Variants in COLGALT2 observed in about 807,000 individuals in gnomAD.
COLGALT2 encodes the protein procollagen galactosyltransferase 2.
A neutral mutation model predicts 73.4 loss-of-function variants in COLGALT2; 49 were observed. That is an observed-to-expected ratio of 0.67 (90% CI 0.53 to 0.85). The LOEUF (loss-of-function observed/expected upper bound fraction) is 0.85, where lower values mean the gene tolerates loss of function less well. Among genes scored for constraint, COLGALT2 ranks in the 40% least tolerant of loss-of-function variants. COLGALT2 has a pLI of 0.00. For missense variants in COLGALT2, 722 were observed against 790.2 expected (o/e 0.91, Z 1.03); for synonymous variants, 295 against 307.6 (o/e 0.96, Z 0.43).
rs960603510 is a variant in COLGALT2 at position 183,938,346 on chromosome 1, A to G, written c.*415T>C. ...ATGTCATATAAAACGGACAAACTAG[A>G]CCAATAAGTGTGGTCTAGTTGGCCT... On this transcript the variant is annotated 3_prime_UTR_variant, in exon 12 of 12. Transcript: ENST00000361927. 15 of 1,011,346 alleles carry G rather than the reference A, an allele frequency of 1.5e-5. No homozygotes were observed. Among genetic ancestry groups the G allele is most frequent in the African/African-American group, 1.7e-5 (1 of 58,308 alleles). 62.6% of individuals were successfully genotyped at this position (1,011,346 alleles called of 1,614,324 possible). A position where few individuals can be genotyped will look rare whatever the true frequency, so the allele number is the denominator to read the frequency against.
intron 1 of COLGALT2, among the ~76,000 whole-genome samples, chr1:183,993,208 T>G (rs1019478408): frequency 1.3e-5 from 2 of 152,220 alleles, no homozygotes; most frequent in South Asian, 4.1e-4. Flanking sequence ...AAAGTTTGAC[T>G]TTCATGTGGG....
At chr1:184,034,778 G>T (rs1649621651) in intron 1 of COLGALT2, among the ~76,000 whole-genome samples, 1 of 152,166 alleles carries the variant, frequency 6.6e-6, no homozygotes, top group Admixed American at 6.5e-5. Flanking sequence ...ATAAATAAAT[G>T]TAATTTTGAG....
intron 1 of COLGALT2, among the ~76,000 whole-genome samples, chr1:184,018,203 G>A (rs1041117029): frequency 2.6e-5 from 4 of 152,002 alleles, no homozygotes; most frequent in Non-Finnish European, 4.4e-5. Context: ...CCAAAAGCTC[G>A]AGGCTGCAGT....
At chr1:183,948,668 A>G (rs1255655519) in intron 8 of COLGALT2, among the ~76,000 whole-genome samples, 1 of 152,358 alleles carries the variant, frequency 6.6e-6, no homozygotes, top group Non-Finnish European at 1.5e-5. Flanking sequence ...GAACAAATCA[A>G]GAAACTGCAC....
chr1:184,012,986 C>A (rs1302156646), intron 1 of COLGALT2, among the ~76,000 whole-genome samples: 1 of 152,080 alleles, frequency 6.6e-6, no homozygotes. Flanking sequence ...GGGGGCAGAT[C>A]CAAAAAAGTA....
In COLGALT2 at chr1:183,938,981, G is replaced by A; in HGVS notation, c.1661C>T (p.Pro554Leu). 6 of 1,614,070 alleles carry A rather than the reference G, an allele frequency of 3.7e-6. No homozygotes were observed. The highest frequency in any genetic ancestry group is 5.1e-6 in the Non-Finnish European group (6 of 1,180,034). The change falls in exon 12 of 12, where the codon CCC (proline) becomes CTC (leucine). Residue 554 changes from proline (P) to leucine (L), a missense_variant. Transcript: ENST00000361927. ...SRDLKAFSAE[P>L]LLIYPTHYTG... ...GTAGTGCGTAGGGTAGATGAGCAAGGGTTCTGCAGAGAAGGCTTTCAGGTC... is the reference window on the plus strand; with the variant it reads ...GTAGTGCGTAGGGTAGATGAGCAAGAGTTCTGCAGAGAAGGCTTTCAGGTC...
At chr1:183,981,339 T>C (rs975108290) in intron 1 of COLGALT2, among the ~76,000 whole-genome samples, 7 of 152,176 alleles carry the variant, frequency 4.6e-5, no homozygotes, top group African/African-American at 1.4e-4. Context: ...TGTAGGATGA[T>C]TTAAAATAAA....
chr1:183,984,793 C>G (rs908995579), intron 1 of COLGALT2, among the ~76,000 whole-genome samples: 2 of 152,186 alleles, frequency 1.3e-5, no homozygotes, highest in African/African-American at 4.8e-5. Context: ...TGCAAGTTAG[C>G]AAAAGCCCAT....
At chr1:184,008,214 G>A (rs898045922) in intron 1 of COLGALT2, among the ~76,000 whole-genome samples, 12 of 152,136 alleles carry the variant, frequency 7.9e-5, no homozygotes, top group African/African-American at 2.9e-4. Context: ...CATTGGAGAA[G>A]CAGTGGAATA....
chr1:183,975,272 C>T (rs1671159369), intron 2 of COLGALT2, 58 bp from the exon 3 acceptor site: 2 of 1,051,890 alleles, frequency 1.9e-6, no homozygotes, highest in East Asian at 2.4e-5. Flanking sequence ...AGGCTCTGTC[C>T]TAAATGTTTA....
At position 183,940,794 on chromosome 1, in the gene COLGALT2, G is replaced by C. The variant is rs779574511; in HGVS notation, c.1398-7C>G. The stretch of plus-strand genomic sequence containing the variant: ...CCTCTTCCTACCAATATAACTGTAA[G>C]GAAATGGCAGAGGAGAAAAATTCCA... On this transcript the variant is annotated splice_polypyrimidine_tract_variant and splice_region_variant and intron_variant, in intron 10 of 11. Coordinates refer to ENST00000361927, the MANE Select transcript of COLGALT2 (RefSeq NM_015101.4). 9 of 1,613,002 alleles carry C rather than the reference G, an allele frequency of 5.6e-6. No individual in the cohort carries two copies. The highest frequency in any genetic ancestry group is 7.6e-6 in the Non-Finnish European group (9 of 1,178,990).
intron 5 of COLGALT2, among the ~76,000 whole-genome samples, chr1:183,967,748 C>T (rs1670920361): frequency 6.6e-6 from 1 of 152,238 alleles, no homozygotes; most frequent in Non-Finnish European, 1.5e-5. Context: ...ACTCAAAGGA[C>T]TCAAAAAGCC....
intron 1 of COLGALT2, among the ~76,000 whole-genome samples, chr1:183,989,877 C>A (rs565811831): frequency 3.9e-5 from 6 of 152,276 alleles, no homozygotes; most frequent in African/African-American, 1.4e-4. Context: ...GAGGAGCCAA[C>A]AGCATGTGAA....
intron 7 of COLGALT2, among the ~76,000 whole-genome samples, chr1:183,954,271 T>C (rs112079568): frequency 0.012 from 588 of 48,136 alleles, 2 homozygotes; most frequent in African/African-American, 0.1. Context: ...TTAGAACAAA[T>C]ATGTTTTTTT....
At position 184,037,414 on chromosome 1, in the gene COLGALT2, C is replaced by T; in HGVS notation, c.-57G>A. 3 of 1,291,440 alleles carry T rather than the reference C, an allele frequency of 2.3e-6. No individual in the cohort carries two copies. The highest frequency in any genetic ancestry group is 2.9e-6 in the Non-Finnish European group (3 of 1,024,006). 80.0% of individuals were successfully genotyped at this position (1,291,440 alleles called of 1,614,324 possible). A position where few individuals can be genotyped will look rare whatever the true frequency, so the allele number is the denominator to read the frequency against. ...CTGGCGCGAGCGCCCGGCTGGGCTG[C>T]CTGAGGGCGGCGGCGGCTGCCGGGG... On this transcript the variant is annotated 5_prime_UTR_variant, in exon 1 of 12. Coordinates refer to ENST00000361927, the MANE Select transcript of COLGALT2 (RefSeq NM_015101.4).
chr1:183,957,697 C>T (rs566661411), intron 6 of COLGALT2, among the ~76,000 whole-genome samples: 117 of 151,688 alleles, frequency 7.7e-4, no homozygotes, highest in African/African-American at 2.8e-3. Context: ...CAGTCACACT[C>T]AACACTATAT....
At chr1:183,945,761 A>G (rs1670233148) in intron 8 of COLGALT2, 197 bp from the exon 9 acceptor site, 1 of 615,198 alleles carries the variant, frequency 1.6e-6, no homozygotes, top group Admixed American at 3.2e-5. Context: ...ACAAGAGGGT[A>G]TCATATTTTT....
chr1:183,963,340 GT>G (rs1670770153), intron 6 of COLGALT2, among the ~76,000 whole-genome samples: 2 of 152,048 alleles, frequency 1.3e-5, no homozygotes, highest in South Asian at 4.2e-4. Flanking sequence ...TCATTGAATT[GT>G]TGCAAGGATT....
chr1:183,937,213 C>G lies in COLGALT2; in HGVS notation c.*1548G>C, dbSNP rs943233072. ...TGAAGCTCAGGGTTTGGGGTGTGCACGGCCCCCCATATGGCTGCATGGTGC... is the reference window on the plus strand; with the variant it reads ...TGAAGCTCAGGGTTTGGGGTGTGCAGGGCCCCCCATATGGCTGCATGGTGC... On this transcript the variant is annotated 3_prime_UTR_variant, in exon 12 of 12. Transcript: ENST00000361927. The G allele has an allele frequency of 8.2e-7, 1 of 1,213,066 alleles. No homozygotes were observed. Among genetic ancestry groups the G allele is most frequent in the Non-Finnish European group, 1.0e-6 (1 of 976,786 alleles). The allele number at this position is 1,213,066 out of a possible 1,614,324, so 75.1% of individuals were successfully genotyped here.
Sources: gnomAD v4.1 joint callset for allele counts (sites outside exome capture counted in the v4.1 genomes callset) on GRCh38, gnomAD v4.1.1 for gene constraint, MANE v1.5 for transcripts, NCBI Gene and HGNC (gene_info 2026-07-23, HGNC 2026-07-21) for gene names.